Variants in FGL1 observed in about 807,000 individuals in gnomAD.
The protein encoded by FGL1 is fibrinogen-like protein 1.
Under a neutral mutation model 43.7 loss-of-function variants are expected in FGL1, and 59 were observed. That is an observed-to-expected ratio of 1.35 (90% confidence interval 1.10 to 1.68). FGL1 has a LOEUF of 1.68. Ranked by LOEUF, FGL1 falls within the 40% of genes most tolerant of loss-of-function variation. FGL1 has a pLI of 0.00. For missense variants in FGL1, 596 were observed against 373.0 expected (o/e 1.60, Z -4.92); for synonymous variants, 192 against 126.5 (o/e 1.52, Z -3.48).
At chr8:17,876,407 G>A (rs1414751924) in intron 3 of FGL1, among the ~76,000 whole-genome samples, 2 of 152,076 alleles carry the variant, frequency 1.3e-5, no homozygotes, top group African/African-American at 2.4e-5. Flanking sequence ...TCACATGGTT[G>A]GGACCAACCA....
At chr8:17,882,954 T>TATATATCATATATAATATATTAA (rs2053564273) in intron 2 of FGL1, among the ~76,000 whole-genome samples, 1 of 101,648 alleles carries the variant, frequency 9.8e-6, no homozygotes, top group Non-Finnish European at 1.7e-5. Context: ...TAATATATAA[T>TATATATCATATATAATATATTAA]ATATATCATA....
intron 2 of FGL1, chr8:17,882,472 T>C: frequency 4.6e-6 from 1 of 219,468 alleles, no homozygotes; most frequent in East Asian, 1.1e-4. Flanking sequence ...AACAATTCCA[T>C]GCGGTAGGAA....
intron 6 of FGL1, 54 bp downstream of exon 6, chr8:17,868,862 A>G (rs2053313006): frequency 8.1e-6 from 12 of 1,476,996 alleles, no homozygotes; most frequent in Non-Finnish European, 1.1e-5. Flanking sequence ...CCAGGGTTAT[A>G]TTGCACATTT....
At chr8:17,876,764 A>T (rs2053463281) in intron 3 of FGL1, among the ~76,000 whole-genome samples, 1 of 152,222 alleles carries the variant, frequency 6.6e-6, no homozygotes, top group African/African-American at 2.4e-5. Context: ...TTCCAGGCAA[A>T]TATGGAAGTG....
intron 5 of FGL1, among the ~76,000 whole-genome samples, chr8:17,870,420 C>T (rs886943390): frequency 6.6e-6 from 1 of 152,114 alleles, no homozygotes; most frequent in African/African-American, 2.4e-5. Flanking sequence ...GTGTTCTATC[C>T]TCCTACTTTG....
At chr8:17,884,355 C>T (rs35699195) in intron 2 of FGL1, among the ~76,000 whole-genome samples, 2,366 of 152,100 alleles carry the variant, frequency 0.016, 59 homozygotes, top group African/African-American at 0.054. Flanking sequence ...CCATAACACC[C>T]AGCTAATTTT....
intron 4 of FGL1, 85 bp from the exon 5 acceptor site, chr8:17,874,201 C>A (rs1175927716): frequency 1.5e-6 from 2 of 1,344,390 alleles, no homozygotes; most frequent in Admixed American, 2.0e-5. Flanking sequence ...GCTACCACCA[C>A]CTCCAATATT....
chr8:17,872,742 A>T (rs1189901896), intron 5 of FGL1, among the ~76,000 whole-genome samples: 1 of 152,214 alleles, frequency 6.6e-6, no homozygotes, highest in Admixed American at 6.5e-5. Flanking sequence ...AAGACAATGG[A>T]TTGGAGCAAA....
chr8:17,864,977 T>C (rs1020682781), intron 7 of FGL1, among the ~76,000 whole-genome samples: 1 of 151,950 alleles, frequency 6.6e-6, no homozygotes, highest in African/African-American at 2.4e-5. Context: ...ATAGAGACAG[T>C]GTCTCACTGT....
chr8:17,874,625 A>G, intron 3 of FGL1, 104 bp from the exon 4 acceptor site: 1 of 764,710 alleles, frequency 1.3e-6, no homozygotes, highest in East Asian at 2.6e-5. Context: ...GAGACAGATA[A>G]CACATGGTAT....
At chr8:17,874,915 C>G (rs555494573) in intron 3 of FGL1, among the ~76,000 whole-genome samples, 1 of 150,456 alleles carries the variant, frequency 6.6e-6, no homozygotes, top group African/African-American at 2.4e-5. Flanking sequence ...GCTGGGATTA[C>G]AGGTGTGAGC....
chr8:17,867,409 G>A (rs955915640), intron 7 of FGL1, among the ~76,000 whole-genome samples: 1 of 152,068 alleles, frequency 6.6e-6, no homozygotes, highest in Non-Finnish European at 1.5e-5. Context: ...AATCTTTTGG[G>A]TGTAGGAAGG....
rs1036757333 is a variant in FGL1 at position 17,885,676 on chromosome 8, A to G, written c.-17-105T>C. The G allele has an allele frequency of 4.1e-5, 35 of 851,436 alleles. No homozygotes were observed. In the South Asian group the frequency reaches 5.7e-4, roughly 14 times the overall value. The allele number at this position is 851,436 out of a possible 1,614,324, so 52.7% of individuals were successfully genotyped here. On this transcript the variant is annotated intron_variant, in intron 1 of 7. Transcript: ENST00000427924. Reference sequence around the variant, plus strand: ...AGGAAGTCGGATGCAGCCGCAGGCCATCCCTAATCTTAGAGTCGCCGAGGA... The same window carrying G: ...AGGAAGTCGGATGCAGCCGCAGGCCGTCCCTAATCTTAGAGTCGCCGAGGA...
At chr8:17,884,458 G>T (rs994519549) in intron 2 of FGL1, among the ~76,000 whole-genome samples, 9 of 152,218 alleles carry the variant, frequency 5.9e-5, no homozygotes, top group South Asian at 2.1e-4. Context: ...GCCCCTCAAA[G>T]TGCTGGGATT....
At chr8:17,875,535 CTCTTTCTTTCTTTCTTTCTTTCTT>C (rs1314798071) in intron 3 of FGL1, among the ~76,000 whole-genome samples, 29 of 25,416 alleles carry the variant, frequency 1.1e-3, no homozygotes, top group Non-Finnish European at 1.5e-3. Context: ...TTCTTTCTTT[CTCTTTCTTTCTTTCTTTCTTTCTT>C]TCTTTCTTTC....
At chr8:17,894,061 TTTAA>T (rs1279853468) in intron 1 of FGL1, among the ~76,000 whole-genome samples, 1 of 145,500 alleles carries the variant, frequency 6.9e-6, no homozygotes, top group Non-Finnish European at 1.5e-5. Context: ...TTAAAAAAAA[TTTAA>T]TTAATTACGC....
intron 5 of FGL1, among the ~76,000 whole-genome samples, chr8:17,871,172 G>A (rs988958213): frequency 2.6e-5 from 4 of 152,024 alleles, no homozygotes; most frequent in African/African-American, 9.7e-5. Flanking sequence ...GAGCAGCAAG[G>A]CAGGCTAAGT....
At chr8:17,881,352 G>C (rs34169791) in intron 3 of FGL1, among the ~76,000 whole-genome samples, 2,594 of 151,608 alleles carry the variant, frequency 0.017, 75 homozygotes, top group African/African-American at 0.06. Context: ...GGCCAGGCTG[G>C]TCTAGATCTC....
chr8:17,873,951 G>T (rs963915746), intron 5 of FGL1, 68 bp downstream of exon 5: 1 of 1,158,274 alleles, frequency 8.6e-7, no homozygotes, highest in Non-Finnish European at 1.2e-6. Flanking sequence ...CCTATAATTT[G>T]GTTAAAAAAA....
Sources: allele counts gnomAD v4.1 joint callset (sites outside exome capture counted in the v4.1 genomes callset), GRCh38; gene constraint gnomAD v4.1.1; transcripts MANE v1.5; gene names NCBI Gene and HGNC (gene_info 2026-07-23, HGNC 2026-07-21).